Variants in SYCE2 observed in about 807,000 individuals in gnomAD.
The protein encoded by SYCE2 is central element synaptonemal complex 1.
In SYCE2, 3 loss-of-function variants were observed where a neutral mutation model predicts 27.9. The observed-to-expected ratio is 0.11, with a 90% CI of 0.05 to 0.28. The LOEUF is 0.28. Ranked by LOEUF, SYCE2 falls within the 10% of genes least tolerant of loss-of-function variation. The pLI is 1.00. For missense variants in SYCE2, 207 were observed against 263.5 expected (o/e 0.79, Z 1.48); for synonymous variants, 85 against 100.7 (o/e 0.84, Z 0.93).
chr19:12,903,641 T>G (rs1248598475), intron 3 of SYCE2, among the ~76,000 whole-genome samples: 1 of 152,110 alleles, frequency 6.6e-6, no homozygotes, highest in Admixed American at 6.6e-5. Context: ...TGCCTCAGCC[T>G]CCCAAAGTGC....
chr19:12,909,954 A>C (rs922996810), intron 2 of SYCE2, among the ~76,000 whole-genome samples: 5 of 144,028 alleles, frequency 3.5e-5, no homozygotes, highest in Admixed American at 2.1e-4. Context: ...GCAACCTCCA[A>C]CTCCCGGTTT....
intron 2 of SYCE2, among the ~76,000 whole-genome samples, chr19:12,911,210 C>CA (rs1195588955): frequency 6.6e-6 from 1 of 151,828 alleles, no homozygotes; most frequent in Non-Finnish European, 1.5e-5. Context: ...CTCCTGGCCT[C>CA]AAAAAATCCT....
chr19:12,900,635 G>A lies in SYCE2; in HGVS notation c.320C>T (p.Thr107Ile), dbSNP rs563626525. Residue 107 changes from threonine (T) to isoleucine (I), a missense_variant, in exon 4 of 6, where the codon ACA becomes ATA. Coordinates refer to ENST00000293695, the MANE Select transcript of SYCE2 (RefSeq NM_001105578.2). Reference sequence around the variant, plus strand: ...ATAGATCCTCTCCTCTAATTTCTCTGTCAGATCCGAAACCTGTTAAACAAT... The same window carrying A: ...ATAGATCCTCTCCTCTAATTTCTCTATCAGATCCGAAACCTGTTAAACAAT... ...NSLKTKVSDLTEKLEERIYQI... is the reference protein window; with the variant it reads ...NSLKTKVSDLIEKLEERIYQI... The A allele has an allele frequency of 2.5e-6, 4 of 1,613,228 alleles. No homozygotes were observed. Among genetic ancestry groups the A allele is most frequent in the African/African-American group, 1.3e-5 (1 of 74,992 alleles).
intron 2 of SYCE2, among the ~76,000 whole-genome samples, chr19:12,914,798 G>A (rs576218298): frequency 3.9e-5 from 6 of 152,232 alleles, no homozygotes; most frequent in Admixed American, 6.5e-5. Context: ...TAGTAGAGAC[G>A]GGGTTTTGCC....
chr19:12,902,386 T>G (rs1970855034), intron 3 of SYCE2, among the ~76,000 whole-genome samples: 1 of 152,114 alleles, frequency 6.6e-6, no homozygotes, highest in African/African-American at 2.4e-5. Flanking sequence ...TGTTTTTGTA[T>G]CTTTTCTACT....
intron 2 of SYCE2, among the ~76,000 whole-genome samples, chr19:12,917,484 TC>T (rs1441313030): frequency 5.3e-5 from 8 of 152,120 alleles, no homozygotes; most frequent in African/African-American, 1.9e-4. Context: ...TGCCTTAGCC[TC>T]CCGAGTAGCT....
chr19:12,913,775 G>C (rs546897403), intron 2 of SYCE2, among the ~76,000 whole-genome samples: 1 of 152,090 alleles, frequency 6.6e-6, no homozygotes. Context: ...CACAGATCCT[G>C]GTCTAAACAT....
At chr19:12,904,763 G>C (rs1264552160) in intron 2 of SYCE2, 97 bp from the exon 3 acceptor site, 37 of 1,361,720 alleles carry the variant, frequency 2.7e-5, no homozygotes, top group Non-Finnish European at 3.5e-5. Context: ...GCACTTTGTA[G>C]GCCGAGGTGG....
intron 3 of SYCE2, among the ~76,000 whole-genome samples, chr19:12,901,667 G>A (rs1970842406): frequency 6.6e-6 from 1 of 151,938 alleles, no homozygotes; most frequent in African/African-American, 2.4e-5. Flanking sequence ...CCAAGCTGGA[G>A]TTCAATGGCA....
intron 3 of SYCE2, among the ~76,000 whole-genome samples, chr19:12,903,701 TG>T (rs1970885261): frequency 6.6e-6 from 1 of 152,100 alleles, no homozygotes; most frequent in East Asian, 1.9e-4. Context: ...TATTTATTTT[TG>T]AGACGAAATC....
chr19:12,901,231 CTG>C (rs1337049652), intron 3 of SYCE2, among the ~76,000 whole-genome samples: 1 of 151,762 alleles, frequency 6.6e-6, no homozygotes, highest in Non-Finnish European at 1.5e-5. Context: ...TAAAAACTAA[CTG>C]GGCATGGTGG....
At chr19:12,899,831 A>T in intron 5 of SYCE2, 173 bp downstream of exon 5, 1 of 1,571,712 alleles carries the variant, frequency 6.4e-7, no homozygotes, top group Admixed American at 1.7e-5. Context: ...AGTGACATGG[A>T]AGCAACTCCG....
chr19:12,914,411 G>T (rs1053001664), intron 2 of SYCE2, among the ~76,000 whole-genome samples: 1 of 152,038 alleles, frequency 6.6e-6, no homozygotes, highest in Non-Finnish European at 1.5e-5. Flanking sequence ...CTTTCAAGCC[G>T]GTAGGAGCTG....
chr19:12,910,400 T>C (rs543634488), intron 2 of SYCE2, among the ~76,000 whole-genome samples: 33 of 138,068 alleles, frequency 2.4e-4, no homozygotes, highest in African/African-American at 9.6e-4. Context: ...CAGGCTGGAG[T>C]GACAGGCTGG....
At chr19:12,902,987 C>T (rs1175738185) in intron 3 of SYCE2, among the ~76,000 whole-genome samples, 11 of 142,458 alleles carry the variant, frequency 7.7e-5, no homozygotes, top group Non-Finnish European at 1.4e-4. Flanking sequence ...CAGCCAAGAT[C>T]GTGCCACTCT....
chr19:12,902,257 G>A (rs1869346414), intron 3 of SYCE2, among the ~76,000 whole-genome samples: 1 of 152,092 alleles, frequency 6.6e-6, no homozygotes, highest in Non-Finnish European at 1.5e-5. Flanking sequence ...AGGGATGCAT[G>A]TCACAAAACT....
chr19:12,914,671 G>A (rs1052928261), intron 2 of SYCE2, among the ~76,000 whole-genome samples: 2 of 152,132 alleles, frequency 1.3e-5, no homozygotes, highest in Non-Finnish European at 2.9e-5. Flanking sequence ...GTGCAATGGT[G>A]CAATCTTGGC....
rs773352478 is a variant in SYCE2, at chr19:12,918,200, A to G, written c.131+22T>C. On this transcript the variant is annotated intron_variant, in intron 2 of 5. Transcript: ENST00000293695. ...GGGACCCAGGGGCCTGTGTAGACCC[A>G]TAGGGCTGGGATCTTCCTCACCTAG... 5 of 1,603,412 alleles carry G rather than the reference A, an allele frequency of 3.1e-6. No homozygotes were observed. In the Admixed American group the frequency reaches 6.7e-5, roughly 21 times the overall value.
intron 1 of SYCE2, among the ~76,000 whole-genome samples, chr19:12,918,538 C>T (rs1971181208): frequency 2.0e-5 from 3 of 152,046 alleles, no homozygotes; most frequent in African/African-American, 4.8e-5. Context: ...TAGGGGACAC[C>T]AGGACACCAG....
Sources: allele counts gnomAD v4.1 joint callset (sites outside exome capture counted in the v4.1 genomes callset), GRCh38; gene constraint gnomAD v4.1.1; transcripts MANE v1.5; gene names NCBI Gene and HGNC (gene_info 2026-07-23, HGNC 2026-07-21).